Variants in BCKDHB observed in about 807,000 individuals in gnomAD.
The protein encoded by BCKDHB is 2-oxoisovalerate dehydrogenase subunit beta, mitochondrial.
A neutral mutation model predicts 48.5 loss-of-function variants in BCKDHB; 41 were observed. That is an observed-to-expected ratio of 0.85 (90% CI 0.66 to 1.10). The LOEUF (loss-of-function observed/expected upper bound fraction) is 1.10. BCKDHB is among the 50% of genes least tolerant of loss of function. BCKDHB has a pLI of 0.00. For missense variants in BCKDHB, 496 were observed against 494.2 expected (o/e 1.00, Z -0.03); for synonymous variants, 201 against 174.8 (o/e 1.15, Z -1.18).
intron 9 of BCKDHB, among the ~76,000 whole-genome samples, chr6:80,292,661 G>GC (rs1028780425): frequency 6.6e-6 from 1 of 151,862 alleles, no homozygotes; most frequent in Non-Finnish European, 1.5e-5. Flanking sequence ...CTTCCCAGCA[G>GC]CCCCCCAAAG....
chr6:80,389,439 G>T, the BCKDHB span, among the ~76,000 whole-genome samples: 1 of 152,204 alleles, frequency 6.6e-6, no homozygotes, highest in African/African-American at 2.4e-5. Context: ...TTTGGACCTT[G>T]TCCGTAATGG....
chr6:80,415,727 C>T, the BCKDHB span, among the ~76,000 whole-genome samples: 2 of 151,764 alleles, frequency 1.3e-5, no homozygotes, highest in South Asian at 2.1e-4. Context: ...TTGGCCTGAA[C>T]GTTTCTTTTT....
At chr6:80,285,344 T>C (rs1010700806) in intron 9 of BCKDHB, among the ~76,000 whole-genome samples, 41 of 152,206 alleles carry the variant, frequency 2.7e-4, no homozygotes, top group African/African-American at 9.6e-4. Context: ...TCTAATATGA[T>C]GGAATGCCTA....
At chr6:80,420,212 T>A in the BCKDHB span, among the ~76,000 whole-genome samples, 1 of 152,224 alleles carries the variant, frequency 6.6e-6, no homozygotes, top group South Asian at 2.1e-4. Context: ...CCTGTCACAT[T>A]TCCTTGATTC....
At chr6:80,313,896 G>A (rs191195328) in intron 9 of BCKDHB, among the ~76,000 whole-genome samples, 176 of 152,096 alleles carry the variant, frequency 1.2e-3, no homozygotes, top group Middle Eastern at 0.01. Flanking sequence ...GCTTTTTTAC[G>A]TGGGCATTTA....
chr6:80,390,185 A>T, the BCKDHB span, among the ~76,000 whole-genome samples: 1 of 152,212 alleles, frequency 6.6e-6, no homozygotes, highest in South Asian at 2.1e-4. Context: ...TATGCGTGGA[A>T]TACAGGAGAT....
chr6:80,401,156 C>T, the BCKDHB span, among the ~76,000 whole-genome samples: 2 of 146,960 alleles, frequency 1.4e-5, no homozygotes, highest in Non-Finnish European at 3.0e-5. Context: ...GTACAACAAA[C>T]CCCTGTGACA....
the BCKDHB span, among the ~76,000 whole-genome samples, chr6:80,383,595 G>T: frequency 6.6e-6 from 1 of 151,786 alleles, no homozygotes; most frequent in Non-Finnish European, 1.5e-5. Context: ...TATTTAAAAT[G>T]TGTCTTTATA....
At chr6:80,190,773 T>C (rs916651574) in intron 6 of BCKDHB, among the ~76,000 whole-genome samples, 8 of 152,194 alleles carry the variant, frequency 5.3e-5, no homozygotes, top group African/African-American at 1.2e-4. Flanking sequence ...CTGTAATTCA[T>C]GGGTTGGAAG....
At chr6:80,453,446 G>A in the BCKDHB span, among the ~76,000 whole-genome samples, 2 of 152,162 alleles carry the variant, frequency 1.3e-5, no homozygotes, top group East Asian at 1.9e-4. Flanking sequence ...TTTAGGGCAT[G>A]GCATTAATGA....
intron 6 of BCKDHB, among the ~76,000 whole-genome samples, chr6:80,184,270 G>T (rs1193579627): frequency 6.6e-6 from 1 of 152,078 alleles, no homozygotes; most frequent in African/African-American, 2.4e-5. Flanking sequence ...ACTCCTGCTA[G>T]CTTTGGTTTC....
chr6:80,301,445 CTGGAAA>C (rs1434616856), intron 9 of BCKDHB, among the ~76,000 whole-genome samples: 1 of 152,056 alleles, frequency 6.6e-6, no homozygotes, highest in Admixed American at 6.5e-5. Context: ...TGTCAAATCC[CTGGAAA>C]CATACAACCT....
intron 9 of BCKDHB, among the ~76,000 whole-genome samples, chr6:80,296,288 T>C (rs994748432): frequency 6.6e-6 from 1 of 152,170 alleles, no homozygotes; most frequent in African/African-American, 2.4e-5. Context: ...CTGTGAATGA[T>C]AAAATGTCTT....
At chr6:80,188,475 A>C (rs1773748848) in intron 6 of BCKDHB, among the ~76,000 whole-genome samples, 1 of 152,008 alleles carries the variant, frequency 6.6e-6, no homozygotes, top group South Asian at 2.1e-4. Flanking sequence ...CGTCTCTACA[A>C]AAAAAATACA....
chr6:80,296,522 A>C (rs1220720157), intron 9 of BCKDHB, among the ~76,000 whole-genome samples: 10 of 152,332 alleles, frequency 6.6e-5, no homozygotes, highest in African/African-American at 2.2e-4. Context: ...AAATAAGCCA[A>C]ATTTTACCTT....
rs373309941 is a variant in BCKDHB, at chr6:80,137,734, TG to T, written c.343+8506del. Among the ~76,000 whole-genome samples the T allele has an allele frequency of 3.4e-3, 512 of 152,108 alleles. 2 individuals are homozygous for T. The highest frequency in any genetic ancestry group is 0.011 in the African/African-American group (456 of 41,514). ...TCTGGTGGATGGAGACCTAGAATGC[TG>T]CTAAACATGCACAGGGCAGCCCCAC... On this transcript the variant is annotated intron_variant, in intron 3 of 9. Transcript: ENST00000320393.
chr6:80,414,104 T>A, the BCKDHB span, among the ~76,000 whole-genome samples: 6,148 of 152,160 alleles, frequency 0.04, 399 homozygotes, highest in African/African-American at 0.14. Flanking sequence ...TCTTTTTTTT[T>A]AAAAGTGTCT....
chr6:80,411,219 G>A, the BCKDHB span, among the ~76,000 whole-genome samples: 3 of 152,138 alleles, frequency 2.0e-5, no homozygotes, highest in Admixed American at 1.3e-4. Context: ...CAGGTCTGTT[G>A]GAGTTTGCTG....
chr6:80,288,570 G>A (rs747250864), intron 9 of BCKDHB, among the ~76,000 whole-genome samples: 67 of 152,006 alleles, frequency 4.4e-4, no homozygotes, highest in South Asian at 8.3e-4. Context: ...TTAAAATAAG[G>A]ACATGACTTC....
Sources: allele counts gnomAD v4.1 joint callset (sites outside exome capture counted in the v4.1 genomes callset), GRCh38; gene constraint gnomAD v4.1.1; transcripts MANE v1.5; gene names NCBI Gene and HGNC (gene_info 2026-07-23, HGNC 2026-07-21).